Variants in SLC14A2 observed in about 807,000 individuals in gnomAD.
SLC14A2 encodes solute carrier family 14 member 2.
A neutral mutation model predicts 104.6 loss-of-function variants in SLC14A2; 91 were observed. That is an observed-to-expected ratio of 0.87 (90% CI 0.73 to 1.04). SLC14A2 has a LOEUF of 1.04. Among genes scored for constraint, SLC14A2 ranks in the 50% least tolerant of loss-of-function variants. The pLI, the probability that SLC14A2 is intolerant of heterozygous loss-of-function variation, is 0.00. For missense variants in SLC14A2, 1,189 were observed against 1,156.0 expected (o/e 1.03, Z -0.41); for synonymous variants, 476 against 466.4 (o/e 1.02, Z -0.27).
intron 2 of SLC14A2, among the ~76,000 whole-genome samples, chr18:45,572,770 A>G (rs924894652): frequency 6.6e-6 from 1 of 152,310 alleles, no homozygotes; most frequent in Non-Finnish European, 1.5e-5. Flanking sequence ...GTGTGTGTGC[A>G]TTCCCCACTG....
chr18:45,181,557 C>G, the SLC14A2 span, among the ~76,000 whole-genome samples: 1 of 152,156 alleles, frequency 6.6e-6, no homozygotes, highest in African/African-American at 2.4e-5. Context: ...CTGCTTTTAT[C>G]AGGCTCTTGG....
At chr18:45,549,049 C>T (rs1301897243) in intron 2 of SLC14A2, among the ~76,000 whole-genome samples, 3 of 152,250 alleles carry the variant, frequency 2.0e-5, no homozygotes, top group South Asian at 2.1e-4. Context: ...GCTAGCGCCT[C>T]CTCCATCCTC....
At chr18:45,347,096 C>T (rs971362935) in intron 1 of SLC14A2, among the ~76,000 whole-genome samples, 1 of 152,130 alleles carries the variant, frequency 6.6e-6, no homozygotes, top group East Asian at 1.9e-4. Context: ...TGGCTCATGC[C>T]TGTAATCCCA....
chr18:45,211,846 G>A (rs1222141716), upstream of SLC14A2, among the ~76,000 whole-genome samples: 1 of 152,150 alleles, frequency 6.6e-6, no homozygotes. Context: ...TACCTGAGTG[G>A]GCTGAGTTAA....
chr18:45,600,662 G>C (rs1346612668), intron 2 of SLC14A2, among the ~76,000 whole-genome samples: 4 of 152,144 alleles, frequency 2.6e-5, no homozygotes, highest in Non-Finnish European at 5.9e-5. Flanking sequence ...GGCTGGGCAG[G>C]TCCTTGGGCT....
At chr18:45,431,744 G>A (rs138263352) in intron 1 of SLC14A2, among the ~76,000 whole-genome samples, 3 of 152,324 alleles carry the variant, frequency 2.0e-5, no homozygotes, top group African/African-American at 7.2e-5. Flanking sequence ...TACGGTCAGA[G>A]CTTTGGTCCA....
intron 10 of SLC14A2, among the ~76,000 whole-genome samples, chr18:45,660,984 C>T (rs1003557451): frequency 6.6e-6 from 1 of 152,228 alleles, no homozygotes; most frequent in African/African-American, 2.4e-5. Flanking sequence ...CTGCTGCCCT[C>T]CCTGGGTGGT....
chr18:45,232,574 C>T (rs182403896), intron 1 of SLC14A2, among the ~76,000 whole-genome samples: 5 of 152,262 alleles, frequency 3.3e-5, no homozygotes, highest in Non-Finnish European at 5.9e-5. Context: ...AAGAATTAAC[C>T]AACTTGGTTC....
intron 1 of SLC14A2, among the ~76,000 whole-genome samples, chr18:45,347,036 T>C (rs2085456572): frequency 6.6e-6 from 1 of 151,918 alleles, no homozygotes; most frequent in African/African-American, 2.4e-5. Context: ...AGGCCTACTT[T>C]ACCTCATGAT....
intron 1 of SLC14A2, among the ~76,000 whole-genome samples, chr18:45,267,301 C>T (rs541652825): frequency 2.6e-5 from 4 of 152,204 alleles, no homozygotes; most frequent in Admixed American, 2.0e-4. Context: ...AAGTTCAGAC[C>T]TCTTAGTCTC....
intron 1 of SLC14A2, among the ~76,000 whole-genome samples, chr18:45,223,497 G>T (rs2084083507): frequency 1.3e-5 from 2 of 152,188 alleles, no homozygotes; most frequent in Non-Finnish European, 2.9e-5. Context: ...AGAAATCCTG[G>T]TCTCTACTAA....
intron 19 of SLC14A2, 84 bp downstream of exon 19, chr18:45,679,108 T>A: frequency 1.6e-6 from 2 of 1,276,842 alleles, no homozygotes; most frequent in South Asian, 2.5e-5. Flanking sequence ...AAAACCTCTC[T>A]CCTCTAAGAA....
At chr18:45,168,728 C>T in the SLC14A2 span, 4 of 151,804 alleles carry the variant, frequency 2.6e-5, no homozygotes, top group Non-Finnish European at 5.9e-5. Flanking sequence ...GCACTCAAAT[C>T]AGGGCATTGT....
intron 1 of SLC14A2, among the ~76,000 whole-genome samples, chr18:45,325,635 A>G (rs2085227178): frequency 6.6e-6 from 1 of 152,190 alleles, no homozygotes; most frequent in Non-Finnish European, 1.5e-5. Context: ...TAGGACATCC[A>G]TATGCATTAT....
chr18:45,314,050 A>T (rs2085104289), intron 1 of SLC14A2, among the ~76,000 whole-genome samples: 1 of 152,228 alleles, frequency 6.6e-6, no homozygotes, highest in African/African-American at 2.4e-5. Context: ...TCCAGTGACA[A>T]GCACAGGCCT....
intron 1 of SLC14A2, among the ~76,000 whole-genome samples, chr18:45,286,585 A>G (rs16978328): frequency 0.043 from 6,518 of 152,276 alleles, 184 homozygotes; most frequent in Middle Eastern, 0.12. Context: ...GCCTTTTCTC[A>G]TCTCATACTT....
chr18:45,552,193 C>A (rs1160666863), intron 2 of SLC14A2, among the ~76,000 whole-genome samples: 1 of 152,102 alleles, frequency 6.6e-6, no homozygotes, highest in Non-Finnish European at 1.5e-5. Context: ...GAAATGGGCC[C>A]AAGAAAACTC....
intron 1 of SLC14A2, among the ~76,000 whole-genome samples, chr18:45,407,373 G>A (rs953910871): frequency 6.6e-6 from 1 of 152,186 alleles, no homozygotes; most frequent in Non-Finnish European, 1.5e-5. Context: ...AAGTGTTAGA[G>A]CTTTTCTCTG....
intron 2 of SLC14A2, among the ~76,000 whole-genome samples, chr18:45,582,839 C>T (rs60469977): frequency 1.3e-5 from 2 of 152,164 alleles, no homozygotes; most frequent in African/African-American, 4.8e-5. Flanking sequence ...TACCCACCCC[C>T]CTTAGGAACA....
Sources: gnomAD v4.1 joint callset for allele counts (sites outside exome capture counted in the v4.1 genomes callset) on GRCh38, gnomAD v4.1.1 for gene constraint, MANE v1.5 for transcripts, NCBI Gene and HGNC (gene_info 2026-07-23, HGNC 2026-07-21) for gene names.